The following REST variants were observed in gnomAD, a reference collection of about 807,000 sequenced individuals.
The protein encoded by REST is RE1-silencing transcription factor.
REST carries 1 observed loss-of-function variant against 30.4 expected under a neutral mutation model. The observed-to-expected ratio is 0.03, with a 90% CI of 0.01 to 0.16. The LOEUF is 0.16. Ranked by LOEUF, REST falls within the 10% of genes least tolerant of loss-of-function variation. The probability of loss-of-function intolerance (pLI) is 1.00; values close to 1 mark genes in which losing one functional copy is unlikely to be tolerated. For synonymous variants in REST, 504 were observed against 451.1 expected (o/e 1.12, Z -1.49); for missense variants, 1,259 against 1,329.5 (o/e 0.95, Z 0.82).
chr4:56,916,315 G>A (rs1316667448), intron 2 of REST, among the ~76,000 whole-genome samples: 1 of 152,178 alleles, frequency 6.6e-6, no homozygotes, highest in Non-Finnish European at 1.5e-5. Context: ...CTTTCTGGAG[G>A]AGAGTTATGC....
Position 56,911,369 on chromosome 4 carries a change from A to G in REST, c.731A>G (p.Asn244Ser). ...HLKHHTRAGD[N>S]ERVYKCIICT... ...AAACACCACACCAGAGCTGGGGATA[A>G]TGAGCGAGTCTACAAGTGTATCATT... is the stretch of plus-strand genomic sequence containing the variant. The change falls in exon 2 of 4, where the codon AAT becomes AGT. Residue 244 changes from asparagine (N) to serine (S), a missense_variant. Asn to Ser is a conservative substitution (Grantham distance 46). Transcript: ENST00000309042. 1.2e-6 allele frequency: 2 copies of G among 1,614,222 alleles called. No homozygotes were observed. The highest frequency in any genetic ancestry group is 1.7e-6 in the Non-Finnish European group (2 of 1,180,040).
At chr4:56,925,851 C>G (rs377659626) in intron 3 of REST, among the ~76,000 whole-genome samples, 5 of 152,316 alleles carry the variant, frequency 3.3e-5, no homozygotes, top group African/African-American at 9.6e-5. Context: ...TCTACATCCT[C>G]CCTTTCCGTT....
At chr4:56,917,750 C>CT (rs1247144256) in intron 2 of REST, among the ~76,000 whole-genome samples, 1 of 151,968 alleles carries the variant, frequency 6.6e-6, no homozygotes, top group African/African-American at 2.4e-5. Context: ...AATTGTATAC[C>CT]TTTTTTTAAA....
Position 56,911,183 on chromosome 4 carries a change from G to C in REST, c.545G>C (p.Ser182Thr), listed in dbSNP as rs1719887536. Residue 182 changes from serine (S) to threonine (T), a missense_variant, in exon 2 of 4, where the codon AGT becomes ACT. Coordinates refer to ENST00000309042, the MANE Select transcript of REST (RefSeq NM_005612.5). ...EQFVHHIRVH[S>T]AKKFFVEESA... ...TTTGTGCATCACATCAGAGTTCACA[G>C]TGCTAAGAAATTTTTTGTGGAAGAG... 6.2e-7 allele frequency: 1 copy of C among 1,614,088 alleles called. No homozygotes were observed. The highest frequency in any genetic ancestry group is 1.7e-5 in the Admixed American group (1 of 60,002).
intron 2 of REST, 25 bp downstream of exon 2, chr4:56,911,561 A>G: frequency 1.3e-6 from 2 of 1,571,778 alleles, no homozygotes; most frequent in Non-Finnish European, 1.7e-6. Context: ...CTAGTCCATA[A>G]GTTCAGTTCT....
chr4:56,928,257 C>T (rs1053178466), intron 3 of REST, among the ~76,000 whole-genome samples: 5 of 152,118 alleles, frequency 3.3e-5, no homozygotes, highest in African/African-American at 9.7e-5. Flanking sequence ...CAGGCATCTG[C>T]CACTACACCC....
chr4:56,929,732 C>A (rs1166493477), intron 3 of REST, 109 bp from the exon 4 acceptor site: 3 of 909,044 alleles, frequency 3.3e-6, no homozygotes, highest in East Asian at 5.3e-5. Context: ...GTGCATGATA[C>A]AGCATTTTAA....
In REST at chr4:56,931,206, C is replaced by T. The variant is rs370561076; in HGVS notation, c.2348C>T (p.Pro783Leu). Residue 783 changes from proline to leucine, a missense_variant, in exon 4 of 4, where the codon CCT (proline) becomes CTT (leucine). Physicochemically the swap from Pro to Leu is moderately conservative, Grantham distance 98. Transcript: ENST00000309042. ...GAGCCTGTTCAGATGGAGTTGTCTC[C>T]TCCCATGGGGGTGGTTCAGAAGGAG... is the stretch of plus-strand genomic sequence containing the variant. ...QKEPVQMELS[P>L]PMGVVQKEPA... 6 of 1,614,030 alleles carry T rather than the reference C, an allele frequency of 3.7e-6. No individual in the cohort carries two copies. The highest frequency in any genetic ancestry group is 2.2e-5 in the East Asian group (1 of 44,834).
intron 2 of REST, among the ~76,000 whole-genome samples, chr4:56,916,079 G>A (rs1395639867): frequency 6.7e-6 from 1 of 150,044 alleles, no homozygotes; most frequent in Admixed American, 6.6e-5. Flanking sequence ...CCAGCCTGGG[G>A]GACAGAGTGA....
chr4:56,924,898 G>C (rs531689906), intron 3 of REST, among the ~76,000 whole-genome samples: 3 of 152,218 alleles, frequency 2.0e-5, no homozygotes, highest in Non-Finnish European at 4.4e-5. Context: ...ATGCACGGTT[G>C]TTCACACCTG....
chr4:56,918,330 CAAA>C (rs111891686), intron 2 of REST, among the ~76,000 whole-genome samples: 1 of 137,264 alleles, frequency 7.3e-6, no homozygotes. Context: ...GGTCTCTACC[CAAA>C]AAAAAAAAAA....
In REST at chr4:56,934,601, C is replaced by T. The variant is rs1009110821; in HGVS notation, c.*2449C>T. 1 of 152,090 alleles carries T rather than the reference C, an allele frequency of 6.6e-6. No individual in the cohort carries two copies. The highest frequency in any genetic ancestry group is 1.5e-5 in the Non-Finnish European group (1 of 68,008). The allele number at this position is 152,090 out of a possible 1,614,324, so 9.4% of individuals were successfully genotyped here. On this transcript the variant is annotated 3_prime_UTR_variant, in exon 4 of 4. Transcript: ENST00000309042. ...TATTTGTACTTACTAAAAATTGTTT[C>T]AATGAAAAGTACATTAGCAGTATGA...
intron 1 of REST, chr4:56,909,725 C>A (rs1312606562): frequency 6.6e-6 from 1 of 152,116 alleles, no homozygotes; most frequent in African/African-American, 2.4e-5. Context: ...GAGAATGGCA[C>A]CTTTTAGATT....
In REST at chr4:56,931,314, A is replaced by C. The variant is rs1720961349; in HGVS notation, c.2456A>C (p.Asp819Ala). Reference protein sequence around the residue: ...PISKKPPLRKDKKEKSNMQSE... With the variant: ...PISKKPPLRKAKKEKSNMQSE... ...TCCAAAAAGCCTCCTCTCCGAAAAG[A>C]TAAAAAGGAAAAGTCTAACATGCAG... Residue 819 changes from aspartate (D) to alanine (A), a missense_variant, in exon 4 of 4, where the codon GAT becomes GCT. Coordinates refer to ENST00000309042, the MANE Select transcript of REST (RefSeq NM_005612.5). 5.0e-6 allele frequency: 8 copies of C among 1,614,280 alleles called. No individual in the cohort carries two copies. Among genetic ancestry groups the C allele is most frequent in the Non-Finnish European group, 6.8e-6 (8 of 1,180,046 alleles).
At chr4:56,909,533 G>C (rs1719800586) in intron 1 of REST, 1 of 152,236 alleles carries the variant, frequency 6.6e-6, no homozygotes, top group South Asian at 2.1e-4. Flanking sequence ...GTTCAGCCCC[G>C]GGACAGCCTT....
rs755609294 is a variant in REST, at chr4:56,931,399, T to C, written c.2541T>C (p.Asp847=). The C allele has an allele frequency of 1.3e-4, 205 of 1,614,122 alleles. No individual in the cohort carries two copies. The highest frequency in any genetic ancestry group is 1.6e-4 in the Non-Finnish European group (189 of 1,180,046). ...LIEVGLVPVK[D]SWLLKESVST... ...AAGTTGGCTTAGTGCCTGTTAAAGATAGCTGGCTTCTAAAGGAAAGTGTAA... is the reference window on the plus strand; with the variant it reads ...AAGTTGGCTTAGTGCCTGTTAAAGACAGCTGGCTTCTAAAGGAAAGTGTAA... Residue 847 remains aspartate, a synonymous_variant, in exon 4 of 4, where the codon GAT becomes GAC. Transcript: ENST00000309042.
At chr4:56,914,568 T>A (rs903870186) in intron 2 of REST, among the ~76,000 whole-genome samples, 10 of 152,222 alleles carry the variant, frequency 6.6e-5, no homozygotes, top group Non-Finnish European at 1.5e-4. Context: ...ACCCCATTAA[T>A]CACTTGACAG....
chr4:56,930,016 A>G lies in REST; in HGVS notation c.1158A>G (p.Pro386=), dbSNP rs1219312576. 14 of 1,614,220 alleles carry G rather than the reference A, an allele frequency of 8.7e-6. No individual in the cohort carries two copies. Among genetic ancestry groups the G allele is most frequent in the Non-Finnish European group, 1.2e-5 (14 of 1,180,048 alleles). Residue 386 remains proline, a synonymous_variant, in exon 4 of 4, where the codon CCA becomes CCG. Coordinates refer to ENST00000309042, the MANE Select transcript of REST (RefSeq NM_005612.5). The stretch of plus-strand genomic sequence containing the variant: ...AACATGTAGAGCTACATGTGAACCC[A>G]CGGCAGTTCAATTGCCCTGTATGTG... ...FKKHVELHVN[P]RQFNCPVCDY...
chr4:56,914,673 A>G (rs1322342928), intron 2 of REST, among the ~76,000 whole-genome samples: 2 of 152,062 alleles, frequency 1.3e-5, no homozygotes, highest in South Asian at 2.1e-4. Flanking sequence ...TAAGTACACC[A>G]TATTCATTTA....
Sources: gnomAD v4.1 joint callset for allele counts (sites outside exome capture counted in the v4.1 genomes callset) on GRCh38, gnomAD v4.1.1 for gene constraint, MANE v1.5 for transcripts, NCBI Gene and HGNC (gene_info 2026-07-23, HGNC 2026-07-21) for gene names.